Variants in FBXO47 observed in about 807,000 individuals in gnomAD.
FBXO47 encodes F-box protein 47.
A neutral mutation model predicts 53.9 loss-of-function variants in FBXO47; 34 were observed. The observed-to-expected ratio is 0.63, with a 90% CI of 0.48 to 0.84. FBXO47 has a LOEUF of 0.84. Among genes scored for constraint, FBXO47 ranks in the 40% least tolerant of loss-of-function variants. FBXO47 has a pLI of 0.00. For missense variants in FBXO47, 485 were observed against 541.3 expected (o/e 0.90, Z 1.03); for synonymous variants, 165 against 181.6 (o/e 0.91, Z 0.73).
At chr17:38,945,678 T>C (rs1484678412) in intron 6 of FBXO47, among the ~76,000 whole-genome samples, 1 of 151,870 alleles carries the variant, frequency 6.6e-6, no homozygotes. Flanking sequence ...GGCTCACACC[T>C]GTAATCCCAG....
intron 6 of FBXO47, among the ~76,000 whole-genome samples, chr17:38,949,631 G>A (rs1386466419): frequency 2.6e-5 from 4 of 152,042 alleles, no homozygotes; most frequent in Admixed American, 1.3e-4. Context: ...TTACTTTCCC[G>A]CCAGCAATAT....
chr17:38,953,593 C>T (rs572031829), intron 5 of FBXO47, among the ~76,000 whole-genome samples: 48 of 152,018 alleles, frequency 3.2e-4, no homozygotes, highest in African/African-American at 1.1e-3. Context: ...CCACTGCACT[C>T]CAGCCTGGGC....
intron 1 of FBXO47, among the ~76,000 whole-genome samples, chr17:38,966,631 G>A (rs903178664): frequency 1.3e-5 from 2 of 152,160 alleles, no homozygotes; most frequent in Non-Finnish European, 2.9e-5. Context: ...TCAGTCACCA[G>A]GCGGGGACTT....
chr17:38,939,308 A>G (rs1904386532), intron 9 of FBXO47, among the ~76,000 whole-genome samples: 2 of 125,158 alleles, frequency 1.6e-5, no homozygotes, highest in Non-Finnish European at 3.3e-5. Flanking sequence ...AAAAAAAAAA[A>G]AAAAAAAAAA....
intron 9 of FBXO47, among the ~76,000 whole-genome samples, chr17:38,941,629 T>A (rs1283642556): frequency 6.9e-6 from 1 of 144,296 alleles, no homozygotes; most frequent in African/African-American, 2.5e-5. Flanking sequence ...ATTATATATA[T>A]ATATATATAT....
chr17:38,940,977 C>G (rs553143457), intron 9 of FBXO47, among the ~76,000 whole-genome samples: 1 of 151,772 alleles, frequency 6.6e-6, no homozygotes, highest in South Asian at 2.1e-4. Flanking sequence ...ATGCACTCAG[C>G]CTTTTATTTA....
intron 6 of FBXO47, 143 bp from the exon 7 acceptor site, chr17:38,945,279 A>T: frequency 1.7e-6 from 1 of 595,376 alleles, no homozygotes; most frequent in East Asian, 2.9e-5. Context: ...GAGATTATCT[A>T]TTCTTAAACT....
At chr17:38,940,101 T>C (rs189828032) in intron 9 of FBXO47, among the ~76,000 whole-genome samples, 1 of 152,044 alleles carries the variant, frequency 6.6e-6, no homozygotes, top group Admixed American at 6.5e-5. Flanking sequence ...ATTGACTATT[T>C]ATTATGTGTA....
At position 38,937,078 on chromosome 17, in the gene FBXO47, T is replaced by C; in HGVS notation, c.*97A>G. ...TTGAATTCTTAGGTTACTTAGATGA[T>C]AAAAAGTCCCATGGATGCTATTTTT... On this transcript the variant is annotated 3_prime_UTR_variant, in exon 11 of 11. Coordinates refer to ENST00000378079, the MANE Select transcript of FBXO47 (RefSeq NM_001008777.3). 2.1e-6 allele frequency: 1 copy of C among 482,980 alleles called. No individual in the cohort carries two copies. The allele number at this position is 482,980 out of a possible 1,614,324, so 29.9% of individuals were successfully genotyped here.
chr17:38,953,587 T>C (rs1905411108), intron 5 of FBXO47, among the ~76,000 whole-genome samples: 1 of 152,140 alleles, frequency 6.6e-6, no homozygotes, highest in Admixed American at 6.6e-5. Flanking sequence ...AGTGTGCCAC[T>C]GCACTCCAGC....
Position 38,962,854 on chromosome 17 carries a change from A to G in FBXO47, c.172T>C (p.Tyr58His). Reference protein sequence around the residue: ...PLEIFQIILKYLSVKDISMLS... With the variant: ...PLEIFQIILKHLSVKDISMLS... ...AGTTCCCAAACCTCACCTGACAAAT[A>G]TTTTAAAATTATCTGGAATATTTCC... The change falls in exon 2 of 11, where the codon TAT becomes CAT. Residue 58 changes from tyrosine to histidine, a missense_variant. Coordinates refer to ENST00000378079, the MANE Select transcript of FBXO47 (RefSeq NM_001008777.3). 6.2e-7 allele frequency: 1 copy of G among 1,609,688 alleles called. No individual in the cohort carries two copies. Among genetic ancestry groups the G allele is most frequent in the Non-Finnish European group, 8.5e-7 (1 of 1,177,644 alleles).
intron 6 of FBXO47, among the ~76,000 whole-genome samples, chr17:38,948,063 C>T (rs1032324191): frequency 3.9e-5 from 6 of 152,184 alleles, no homozygotes; most frequent in Middle Eastern, 6.8e-3. Context: ...GCCATCACCA[C>T]AGCCAATTTT....
intron 10 of FBXO47, among the ~76,000 whole-genome samples, chr17:38,937,976 T>C (rs957729605): frequency 2.0e-5 from 3 of 152,182 alleles, no homozygotes; most frequent in African/African-American, 7.2e-5. Flanking sequence ...CCTTCCCTAG[T>C]AATATTTAAA....
intron 6 of FBXO47, among the ~76,000 whole-genome samples, chr17:38,946,954 A>C (rs1178179802): frequency 8.8e-6 from 1 of 113,504 alleles, no homozygotes. Context: ...ACATATATAA[A>C]TATATAAACA....
chr17:38,943,781 G>C, intron 7 of FBXO47, 45 bp from the exon 8 acceptor site: 1 of 1,547,120 alleles, frequency 6.5e-7, no homozygotes, highest in Non-Finnish European at 8.7e-7. Flanking sequence ...AGTTGGCTTT[G>C]TGATAAAGAC....
At chr17:38,963,110 GA>G (rs1272873054) in intron 1 of FBXO47, 59 bp from the exon 2 acceptor site, 1 of 1,127,956 alleles carries the variant, frequency 8.9e-7, no homozygotes, top group African/African-American at 1.6e-5. Flanking sequence ...GCAAGAAAGA[GA>G]TTTTTTTTTT....
intron 5 of FBXO47, among the ~76,000 whole-genome samples, chr17:38,953,023 T>A (rs923922361): frequency 1.1e-4 from 16 of 151,336 alleles, no homozygotes; most frequent in African/African-American, 3.6e-4. Flanking sequence ...ATGCCTGTAA[T>A]CCTAGCACTT....
In FBXO47 at chr17:38,963,065, C is replaced by G; in HGVS notation, c.-26-14G>C. 1 of 1,480,202 alleles carries G rather than the reference C, an allele frequency of 6.8e-7. No individual in the cohort carries two copies. 91.7% of individuals were successfully genotyped at this position (1,480,202 alleles called of 1,614,324 possible). A position where few individuals can be genotyped will look rare whatever the true frequency, so the allele number is the denominator to read the frequency against. Reference sequence around the variant, plus strand: ...CACAAATTTATCCTGGTCAGAAAAACAAAGTACAAGAGACAAGAAAGAAAG... The same window carrying G: ...CACAAATTTATCCTGGTCAGAAAAAGAAAGTACAAGAGACAAGAAAGAAAG... On this transcript the variant is annotated splice_polypyrimidine_tract_variant and intron_variant, in intron 1 of 10. Transcript: ENST00000378079.
chr17:38,947,766 CG>C (rs1567718046), intron 6 of FBXO47, among the ~76,000 whole-genome samples: 1 of 151,900 alleles, frequency 6.6e-6, no homozygotes, highest in African/African-American at 2.4e-5. Context: ...AAAAATTAGC[CG>C]GGTGTGGTGG....
Sources: gnomAD v4.1 joint callset for allele counts (sites outside exome capture counted in the v4.1 genomes callset) on GRCh38, gnomAD v4.1.1 for gene constraint, MANE v1.5 for transcripts, NCBI Gene and HGNC (gene_info 2026-07-23, HGNC 2026-07-21) for gene names.